CHST11: variants seen among roughly 807,000 people sequenced by gnomAD.
CHST11 encodes C4S-1.
A neutral mutation model predicts 30.4 loss-of-function variants in CHST11; 9 were observed. That is an observed-to-expected ratio of 0.30 (90% CI 0.18 to 0.52). The LOEUF is 0.52. CHST11 is among the 20% of genes least tolerant of loss of function. The pLI, the probability that CHST11 is intolerant of heterozygous loss-of-function variation, is 0.97. For missense variants in CHST11, 348 were observed against 460.6 expected (o/e 0.76, Z 2.24); for synonymous variants, 152 against 187.8 (o/e 0.81, Z 1.56).
rs117733010 is a variant in CHST11, at chr12:104,714,400, C to T, written c.205-42549C>T. On this transcript the variant is annotated intron_variant, in intron 2 of 2. Transcript: ENST00000303694. ...AGGACCATGGGACCTTGGTCAGTTT[C>T]ACTGTCTGCAAACTGAGCTTGTTTT... is the stretch of plus-strand genomic sequence containing the variant. 1.5e-3 allele frequency among the ~76,000 whole-genome samples: 231 copies of T among 152,332 alleles called. 5 individuals carry two copies. In the East Asian group the frequency reaches 0.04, roughly 27 times the overall value.
chr12:104,669,200 C>G (rs2039668343), intron 2 of CHST11, among the ~76,000 whole-genome samples: 1 of 152,182 alleles, frequency 6.6e-6, no homozygotes, highest in South Asian at 2.1e-4. Context: ...TTTTCCTCCC[C>G]TCCTCACACT....
intron 1 of CHST11, among the ~76,000 whole-genome samples, chr12:104,474,104 G>A (rs994067023): frequency 6.6e-6 from 1 of 152,154 alleles, no homozygotes; most frequent in Non-Finnish European, 1.5e-5. Flanking sequence ...AAAGATTTAG[G>A]GATTAGAGAT....
intron 2 of CHST11, among the ~76,000 whole-genome samples, chr12:104,631,306 G>A (rs557169461): frequency 6.6e-6 from 1 of 152,330 alleles, no homozygotes; most frequent in South Asian, 2.1e-4. Context: ...AGACCTCATA[G>A]TTTGCATCTG....
chr12:104,523,987 A>G (rs144500638), intron 1 of CHST11, among the ~76,000 whole-genome samples: 150 of 150,734 alleles, frequency 1.0e-3, no homozygotes, highest in African/African-American at 3.5e-3. Flanking sequence ...CTGATCTGCA[A>G]CCTCAAAGCT....
chr12:104,512,686 G>A (rs796939362), intron 1 of CHST11, among the ~76,000 whole-genome samples: 37 of 152,324 alleles, frequency 2.4e-4, no homozygotes, highest in African/African-American at 8.7e-4. Flanking sequence ...ACAAGAAGGA[G>A]CATGATGAAA....
chr12:104,645,288 G>A (rs1165885937), intron 2 of CHST11, among the ~76,000 whole-genome samples: 2 of 152,090 alleles, frequency 1.3e-5, no homozygotes, highest in African/African-American at 4.8e-5. Flanking sequence ...ATGGTTGGAG[G>A]GCACCCACTC....
intron 2 of CHST11, among the ~76,000 whole-genome samples, chr12:104,741,910 G>A (rs918875114): frequency 4.6e-5 from 7 of 152,162 alleles, no homozygotes; most frequent in Admixed American, 2.6e-4. Flanking sequence ...CTGGGAACCC[G>A]CATTGCATCA....
At chr12:104,691,489 A>AT (rs527650779) in intron 2 of CHST11, among the ~76,000 whole-genome samples, 23,666 of 137,094 alleles carry the variant, frequency 0.17, 2,659 homozygotes, top group African/African-American at 0.32. Flanking sequence ...TAGAGGCACA[A>AT]TTTTTTTTTT....
intron 1 of CHST11, among the ~76,000 whole-genome samples, chr12:104,601,173 T>C (rs530253419): frequency 1.3e-5 from 2 of 152,154 alleles, no homozygotes; most frequent in Non-Finnish European, 2.9e-5. Context: ...TGACTATGCG[T>C]TACATAATGC....
chr12:104,619,386 AC>A lies in CHST11; in HGVS notation c.204+17396del, dbSNP rs1359937489. 2.0e-5 allele frequency among the ~76,000 whole-genome samples: 3 copies of A among 152,160 alleles called. No individual in the cohort carries two copies. In the East Asian group the frequency reaches 5.8e-4, roughly 29 times the overall value. ...TTTTTTTTTAATTTTCCGGACACAC[AC>A]AAAAATGTTAGGAGGCTGCTTTTAG... On this transcript the variant is annotated intron_variant, in intron 2 of 2. Coordinates refer to ENST00000303694, the MANE Select transcript of CHST11 (RefSeq NM_018413.6).
intron 1 of CHST11, among the ~76,000 whole-genome samples, chr12:104,489,897 C>A (rs529403954): frequency 6.6e-6 from 1 of 152,320 alleles, no homozygotes; most frequent in Admixed American, 6.5e-5. Flanking sequence ...ACTGATCTCT[C>A]CATATGCTCT....
chr12:104,568,991 C>T (rs1166900597), intron 1 of CHST11, among the ~76,000 whole-genome samples: 1 of 152,120 alleles, frequency 6.6e-6, no homozygotes, highest in African/African-American at 2.4e-5. Flanking sequence ...GCCAGGTACT[C>T]TTCTAGTTGC....
chr12:104,494,383 C>T (rs1760850054), intron 1 of CHST11, among the ~76,000 whole-genome samples: 1 of 152,240 alleles, frequency 6.6e-6, no homozygotes, highest in African/African-American at 2.4e-5. Context: ...TGTTCTTCAA[C>T]ACTGCTCTTA....
intron 2 of CHST11, among the ~76,000 whole-genome samples, chr12:104,708,844 C>G (rs992234612): frequency 6.6e-6 from 1 of 152,232 alleles, no homozygotes; most frequent in African/African-American, 2.4e-5. Context: ...ACCTGCGATG[C>G]GGCAGGGGCC....
intron 2 of CHST11, among the ~76,000 whole-genome samples, chr12:104,755,462 G>A (rs2040466914): frequency 6.6e-6 from 1 of 152,154 alleles, no homozygotes; most frequent in Non-Finnish European, 1.5e-5. Context: ...CCACTTGTGT[G>A]GCAGGGGAGT....
intron 2 of CHST11, among the ~76,000 whole-genome samples, chr12:104,657,567 G>A (rs1160206850): frequency 6.6e-6 from 1 of 151,984 alleles, no homozygotes; most frequent in Non-Finnish European, 1.5e-5. Flanking sequence ...CCGCTCCCAT[G>A]TTTTTTCTCT....
Position 104,475,658 on chromosome 12 carries a change from T to TTTTATATATATATATATATA in CHST11, c.118+18130_118+18131insTTATATATATATATATATAT, listed in dbSNP as rs770441229. On this transcript the variant is annotated intron_variant, in intron 1 of 2. Transcript: ENST00000303694. The stretch of plus-strand genomic sequence containing the variant: ...TATGATGCCTCAGAGTAAAGCAGCA[T>TTTTATATATATATATATATA]TATATATATATATATATATATATAT... 8.2e-4 allele frequency among the ~76,000 whole-genome samples: 28 copies of TTTTATATATATATATATATA among 34,156 alleles called. 1 individual carries two copies. Among genetic ancestry groups the TTTTATATATATATATATATA allele is most frequent in the African/African-American group, 1.8e-3 (26 of 14,760 alleles). 22.4% of individuals were successfully genotyped at this position (34,156 alleles called of 152,430 possible).
rs138320785 is a variant in CHST11 at position 104,757,040 on chromosome 12, G to A, written c.296G>A (p.Arg99Gln). The A allele has an allele frequency of 2.9e-4, 472 of 1,613,988 alleles. 1 individual carries two copies. Among genetic ancestry groups the A allele is most frequent in the Middle Eastern group, 2.1e-3 (13 of 6,084 alleles). The change falls in exon 3 of 3, where the codon CGG becomes CAG. Residue 99 changes from arginine (R) to glutamine (Q), a missense_variant. Around this residue, in one of 3 missense-constraint regions of CHST11, gnomAD observed 135 missense variants for 155.8 expected, o/e 0.87. Coordinates refer to ENST00000303694, the MANE Select transcript of CHST11 (RefSeq NM_018413.6). This position sits in a 1 kb window ranked among gnomAD's most constrained non-coding sequence, Gnocchi z 6.5. ...GCCAACAGCGCCACAAGCCGTAAGC[G>A]GAGGGTGCTGACCCCCAACGACCTG... ...CRANSATSRK[R>Q]RVLTPNDLKH...
At chr12:104,551,225 A>G (rs965077953) in intron 1 of CHST11, among the ~76,000 whole-genome samples, 1 of 152,222 alleles carries the variant, frequency 6.6e-6, no homozygotes, top group Admixed American at 6.5e-5. Flanking sequence ...GACAGGAAAA[A>G]TTAATAGGCA....
Sources: allele counts gnomAD v4.1 joint callset (sites outside exome capture counted in the v4.1 genomes callset), GRCh38; gene constraint gnomAD v4.1.1; regional missense constraint gnomAD v4.1.1; non-coding constraint Gnocchi (gnomAD v3.1); transcripts MANE v1.5; gene names NCBI Gene and HGNC (gene_info 2026-07-23, HGNC 2026-07-21).